YAP1: variants seen among roughly 807,000 people sequenced by gnomAD.
YAP1 encodes the protein Yes1 associated transcriptional regulator, also known as transcriptional coactivator YAP1.
In YAP1, 5 loss-of-function variants were observed where a neutral mutation model predicts 56.9. The observed-to-expected ratio is 0.09, with a 90% CI of 0.05 to 0.18. YAP1 has a LOEUF of 0.18. Ranked by LOEUF, YAP1 falls within the 10% of genes least tolerant of loss-of-function variation. The pLI is 1.00. For synonymous variants in YAP1, 265 were observed against 248.1 expected (o/e 1.07, Z -0.64); for missense variants, 539 against 651.8 (o/e 0.83, Z 1.88).
intron 5 of YAP1, among the ~76,000 whole-genome samples, chr11:102,207,540 A>C (rs1472243374): frequency 6.6e-6 from 1 of 151,788 alleles, no homozygotes; most frequent in Non-Finnish European, 1.5e-5. Context: ...AAAAAAAAAA[A>C]GCTCTACATT....
chr11:102,181,982 G>A (rs1175314986), intron 3 of YAP1, among the ~76,000 whole-genome samples: 1 of 151,954 alleles, frequency 6.6e-6, no homozygotes, highest in African/African-American at 2.4e-5. Context: ...CACCACACCC[G>A]GCTAATTTTT....
intron 2 of YAP1, among the ~76,000 whole-genome samples, chr11:102,132,527 T>A (rs1033678385): frequency 3.9e-5 from 6 of 152,262 alleles, no homozygotes; most frequent in Non-Finnish European, 7.3e-5. Context: ...AAGTGAGGAC[T>A]ATGCATTACA....
chr11:102,163,353 C>T (rs1345626533), intron 3 of YAP1, among the ~76,000 whole-genome samples: 1 of 152,168 alleles, frequency 6.6e-6, no homozygotes, highest in Non-Finnish European at 1.5e-5. Flanking sequence ...CTTCATCTTC[C>T]TTATCACATA....
intron 2 of YAP1, among the ~76,000 whole-genome samples, chr11:102,139,606 G>A (rs1944888712): frequency 6.6e-6 from 1 of 152,146 alleles, no homozygotes; most frequent in South Asian, 2.1e-4. Flanking sequence ...AGATTGTTCA[G>A]CATTTAAGAA....
At position 102,137,881 on chromosome 11, in the gene YAP1, T is replaced by C. The variant is rs144425587; in HGVS notation, c.572+23487T>C. Among the ~76,000 whole-genome samples the C allele has an allele frequency of 6.1e-3, 931 of 151,436 alleles. 10 individuals are homozygous for C. The highest frequency in any genetic ancestry group is 0.022 in the African/African-American group (889 of 41,302). On this transcript the variant is annotated intron_variant, in intron 2 of 8. Coordinates refer to ENST00000282441, the MANE Select transcript of YAP1 (RefSeq NM_001130145.3). ...GAGAGGTGGAAGGGAACTAAGTTCT[T>C]TTTTTTTTCTTTTTTTAAATTTCCG...
At chr11:102,176,744 T>C (rs1487046607) in intron 3 of YAP1, among the ~76,000 whole-genome samples, 1 of 19,528 alleles carries the variant, frequency 5.1e-5, no homozygotes, top group Non-Finnish European at 7.9e-5. Flanking sequence ...AGACTCCGTC[T>C]CAAAAAAAAA....
chr11:102,176,006 G>A (rs1217081981), intron 3 of YAP1, among the ~76,000 whole-genome samples: 1 of 152,130 alleles, frequency 6.6e-6, no homozygotes, highest in Non-Finnish European at 1.5e-5. Context: ...ATATGGTCAA[G>A]CATATGAATT....
intron 2 of YAP1, among the ~76,000 whole-genome samples, chr11:102,160,018 ATTTT>A (rs34332940): frequency 1.8e-5 from 2 of 108,996 alleles, no homozygotes; most frequent in Non-Finnish European, 1.8e-5. Context: ...TACATAAAGG[ATTTT>A]TTTTTTTTTT....
chr11:102,186,004 T>TTA lies in YAP1; in HGVS notation c.689-13_689-12insAT. On this transcript the variant is annotated splice_polypyrimidine_tract_variant and intron_variant, in intron 3 of 8. Coordinates refer to ENST00000282441, the MANE Select transcript of YAP1 (RefSeq NM_001130145.3). ...ATAAAAACCATGATTTTTTTTTTTTTTTCTGTATTATAGGTCCTCTTCCTG... is the reference window on the plus strand; with the variant it reads ...ATAAAAACCATGATTTTTTTTTTTTTTATTCTGTATTATAGGTCCTCTTCCTG... 6.5e-7 allele frequency: 1 copy of TTA among 1,543,878 alleles called. No homozygotes were observed. The highest frequency in any genetic ancestry group is 2.4e-4 in the Middle Eastern group (1 of 4,210).
chr11:102,130,317 G>T (rs762394954), intron 2 of YAP1, among the ~76,000 whole-genome samples: 10 of 152,162 alleles, frequency 6.6e-5, no homozygotes, highest in Admixed American at 1.3e-4. Flanking sequence ...TAAATAAATG[G>T]AGATTCCTGA....
chr11:102,212,212 G>T (rs1949436078), intron 6 of YAP1, among the ~76,000 whole-genome samples: 2 of 152,316 alleles, frequency 1.3e-5, no homozygotes, highest in South Asian at 4.1e-4. Flanking sequence ...GCAATAGTGA[G>T]ATCAGTGTCA....
intron 3 of YAP1, among the ~76,000 whole-genome samples, chr11:102,177,197 G>T (rs1947312176): frequency 6.6e-6 from 1 of 152,126 alleles, no homozygotes; most frequent in African/African-American, 2.4e-5. Context: ...TGGAGGAATA[G>T]ATAGAGCCTG....
chr11:102,191,114 A>C (rs1344511418), intron 4 of YAP1, among the ~76,000 whole-genome samples: 1 of 151,962 alleles, frequency 6.6e-6, no homozygotes, highest in Non-Finnish European at 1.5e-5. Context: ...CAGAGGTTGC[A>C]GTGAGCCCAA....
intron 2 of YAP1, among the ~76,000 whole-genome samples, chr11:102,137,851 T>A (rs575986085): frequency 1.3e-5 from 2 of 152,114 alleles, no homozygotes; most frequent in Admixed American, 1.3e-4. Flanking sequence ...ATTAACTGAT[T>A]TTTGGAGAGG....
intron 3 of YAP1, among the ~76,000 whole-genome samples, chr11:102,165,882 A>G (rs1946575913): frequency 1.3e-5 from 2 of 152,164 alleles, no homozygotes; most frequent in South Asian, 4.1e-4. Context: ...TTAATAGTAG[A>G]TAATATTGGG....
chr11:102,156,548 G>T (rs1945957221), intron 2 of YAP1, among the ~76,000 whole-genome samples: 1 of 152,128 alleles, frequency 6.6e-6, no homozygotes, highest in Non-Finnish European at 1.5e-5. Flanking sequence ...CCTGTAAGGT[G>T]ATTATTACGA....
intron 2 of YAP1, among the ~76,000 whole-genome samples, chr11:102,141,429 G>A (rs1185253519): frequency 1.3e-5 from 2 of 152,172 alleles, no homozygotes; most frequent in Admixed American, 6.5e-5. Flanking sequence ...CCCTGTCCTC[G>A]GTTAGGAGGC....
chr11:102,152,672 G>A (rs749523742), intron 2 of YAP1, among the ~76,000 whole-genome samples: 9 of 152,154 alleles, frequency 5.9e-5, no homozygotes, highest in Non-Finnish European at 1.3e-4. Context: ...ATCACCAAAT[G>A]AAGCCATTCA....
At chr11:102,222,732 A>G (rs1402908376) in intron 6 of YAP1, among the ~76,000 whole-genome samples, 3 of 152,150 alleles carry the variant, frequency 2.0e-5, no homozygotes, top group Non-Finnish European at 2.9e-5. Flanking sequence ...GATGGAACAT[A>G]TTCTATCCAG....
Sources: gnomAD v4.1 joint callset for allele counts (sites outside exome capture counted in the v4.1 genomes callset) on GRCh38, gnomAD v4.1.1 for gene constraint, MANE v1.5 for transcripts, NCBI Gene and HGNC (gene_info 2026-07-23, HGNC 2026-07-21) for gene names.